The following MOXD1 variants were observed in gnomAD, a reference collection of about 807,000 sequenced individuals.
MOXD1 encodes the protein DBH-like monooxygenase protein 1.
Under a neutral mutation model 66.6 loss-of-function variants are expected in MOXD1, and 62 were observed. That is an observed-to-expected ratio of 0.93 (90% CI 0.76 to 1.15). The LOEUF (loss-of-function observed/expected upper bound fraction) is 1.15, where lower values mean the gene tolerates loss of function less well. Ranked by LOEUF, MOXD1 falls within the 50% of genes most tolerant of loss-of-function variation. The probability of loss-of-function intolerance (pLI) is 0.00; values close to 1 mark genes in which losing one functional copy is unlikely to be tolerated. For synonymous variants in MOXD1, 303 were observed against 281.9 expected (o/e 1.07, Z -0.75); for missense variants, 847 against 754.6 (o/e 1.12, Z -1.44).
chr6:132,375,349 C>T (rs1776356929), intron 1 of MOXD1, among the ~76,000 whole-genome samples: 1 of 152,162 alleles, frequency 6.6e-6, no homozygotes, highest in Admixed American at 6.5e-5. Context: ...AGTTGAATTA[C>T]ACGATATTGA....
chr6:132,332,773 C>T (rs1286958862), intron 4 of MOXD1, among the ~76,000 whole-genome samples: 1 of 152,184 alleles, frequency 6.6e-6, no homozygotes, highest in Non-Finnish European at 1.5e-5. Context: ...ATTTTCTGCT[C>T]CCACAACAAG....
intron 10 of MOXD1, among the ~76,000 whole-genome samples, chr6:132,308,083 G>A (rs1319591808): frequency 7.6e-6 from 1 of 131,478 alleles, no homozygotes. Flanking sequence ...CCAGGAAGTG[G>A]TTTTTTGAAA....
intron 1 of MOXD1, among the ~76,000 whole-genome samples, chr6:132,376,510 T>TC (rs1776382985): frequency 3.7e-5 from 2 of 53,914 alleles, no homozygotes; most frequent in Non-Finnish European, 5.3e-5. Context: ...TCTTTTTTTT[T>TC]TTTTTTTTTT....
In MOXD1 at chr6:132,322,882, A is replaced by G. The variant is rs556660462; in HGVS notation, c.1114-12T>C. 1 of 1,599,442 alleles carries G rather than the reference A, an allele frequency of 6.3e-7. No homozygotes were observed. The highest frequency in any genetic ancestry group is 1.3e-5 in the African/African-American group (1 of 74,216). ...TCGGCTTCCAGAGCCTACAGGAGAC[A>G]CCGAGGAAGACCCGATTAGCCCACA... On this transcript the variant is annotated splice_polypyrimidine_tract_variant and intron_variant, in intron 7 of 11. Coordinates refer to ENST00000367963, the MANE Select transcript of MOXD1 (RefSeq NM_015529.4).
intron 4 of MOXD1, among the ~76,000 whole-genome samples, chr6:132,349,605 T>C (rs1194176783): frequency 6.6e-6 from 1 of 151,482 alleles, no homozygotes; most frequent in African/African-American, 2.4e-5. Flanking sequence ...ATCTTTTTCA[T>C]ATAATGACTT....
At chr6:132,373,301 T>C (rs1200867390) in intron 2 of MOXD1, among the ~76,000 whole-genome samples, 1 of 152,192 alleles carries the variant, frequency 6.6e-6, no homozygotes, top group Non-Finnish European at 1.5e-5. Flanking sequence ...CAACAATAAA[T>C]CATTGTCACG....
intron 4 of MOXD1, among the ~76,000 whole-genome samples, chr6:132,331,159 C>T (rs1775309248): frequency 3.9e-5 from 6 of 152,314 alleles, no homozygotes; most frequent in African/African-American, 1.4e-4. Context: ...GTTTGAGCTT[C>T]TGTCTGAGAC....
Position 132,401,294 on chromosome 6 carries a change from C to T in MOXD1, c.133G>A (p.Gly45Ser), listed in dbSNP as rs755926570. 10 of 1,597,780 alleles carry T rather than the reference C, an allele frequency of 6.3e-6. No individual in the cohort carries two copies. The highest frequency in any genetic ancestry group is 8.5e-6 in the Non-Finnish European group (10 of 1,177,212). Reference sequence around the variant, plus strand: ...TGGAGGCGGAAGGCGATCTGGCTGCCCCGCTGGCTCCAGCCCAGCCAGTAC... The same window carrying T: ...TGGAGGCGGAAGGCGATCTGGCTGCTCCGCTGGCTCCAGCCCAGCCAGTAC... The part of the protein sequence containing the change: ...GKYWLGWSQR[G>S]SQIAFRLQVR... Residue 45 changes from glycine (G) to serine (S), a missense_variant, in exon 1 of 12, where the codon GGC becomes AGC. Coordinates refer to ENST00000367963, the MANE Select transcript of MOXD1 (RefSeq NM_015529.4).
intron 4 of MOXD1, among the ~76,000 whole-genome samples, chr6:132,343,990 C>G (rs942574170): frequency 6.6e-6 from 1 of 151,860 alleles, no homozygotes; most frequent in South Asian, 2.1e-4. Context: ...GAAGTTTTTT[C>G]TATATCTATT....
chr6:132,374,542 A>C (rs1157948357), intron 2 of MOXD1, 89 bp downstream of exon 2: 2 of 1,118,918 alleles, frequency 1.8e-6, no homozygotes, highest in African/African-American at 1.6e-5. Context: ...AAAAAAGACT[A>C]TATGACTTGT....
chr6:132,349,805 T>G (rs1775767404), intron 4 of MOXD1, among the ~76,000 whole-genome samples: 1 of 152,028 alleles, frequency 6.6e-6, no homozygotes, highest in Non-Finnish European at 1.5e-5. Context: ...ATTTTTTGAT[T>G]ATGGCCATTC....
chr6:132,325,689 C>T (rs1775171571), intron 6 of MOXD1, among the ~76,000 whole-genome samples: 2 of 152,160 alleles, frequency 1.3e-5, no homozygotes, highest in South Asian at 2.1e-4. Context: ...CATAAAGTTA[C>T]CTAATCTGTG....
intron 1 of MOXD1, among the ~76,000 whole-genome samples, chr6:132,395,650 C>A (rs574754078): frequency 6.6e-6 from 1 of 152,050 alleles, no homozygotes; most frequent in Non-Finnish European, 1.5e-5. Context: ...ACCTGTAAAG[C>A]CATATACTAA....
rs1774450693 is a variant in MOXD1, at chr6:132,298,044, C to T, written c.1509-89G>A. On this transcript the variant is annotated intron_variant, in intron 10 of 11. Transcript: ENST00000367963. The stretch of plus-strand genomic sequence containing the variant: ...TCAGCATCCTAAAATAGATCTCACA[C>T]TTATTCATTTTCATACACATAGATA... 6.0e-6 allele frequency: 7 copies of T among 1,157,128 alleles called. No homozygotes were observed. The East Asian group carries it at 1.6e-4, about 26-fold the overall frequency. 71.7% of individuals were successfully genotyped at this position (1,157,128 alleles called of 1,614,324 possible).
intron 10 of MOXD1, among the ~76,000 whole-genome samples, chr6:132,306,865 C>A (rs1326736892): frequency 6.6e-6 from 1 of 152,122 alleles, no homozygotes; most frequent in African/African-American, 2.4e-5. Flanking sequence ...GAAAGAAGCA[C>A]TAAATATGGA....
At chr6:132,383,476 T>C (rs1776551425) in intron 1 of MOXD1, among the ~76,000 whole-genome samples, 1 of 152,190 alleles carries the variant, frequency 6.6e-6, no homozygotes, top group Non-Finnish European at 1.5e-5. Flanking sequence ...ATGAACCCTG[T>C]AGCTAGTGTT....
intron 1 of MOXD1, among the ~76,000 whole-genome samples, chr6:132,399,599 A>G (rs1432179206): frequency 2.0e-5 from 3 of 152,208 alleles, no homozygotes; most frequent in Non-Finnish European, 4.4e-5. Flanking sequence ...CATTTGACAT[A>G]CAATTGGCTG....
chr6:132,372,936 T>C lies in MOXD1; in HGVS notation c.473A>G (p.Lys158Arg). 6.2e-7 allele frequency: 1 copy of C among 1,614,016 alleles called. No homozygotes were observed. The highest frequency in any genetic ancestry group is 8.5e-7 in the Non-Finnish European group (1 of 1,179,912). Reference sequence around the variant, plus strand: ...GGTGCCCCTATTGGAGTCATGGTACTTGGGACCAGCTTCTCCTGCATCTTC... The same window carrying C: ...GGTGCCCCTATTGGAGTCATGGTACCTGGGACCAGCTTCTCCTGCATCTTC... ...HHEDAGEAGP[K>R]YHDSNRGTKS... Residue 158 changes from lysine (K) to arginine (R), a missense_variant, in exon 3 of 12, where the codon AAG (lysine) becomes AGG (arginine). Lys to Arg is a conservative substitution (Grantham distance 26). Transcript: ENST00000367963.
At chr6:132,319,942 T>C (rs142312844) in intron 9 of MOXD1, among the ~76,000 whole-genome samples, 16 of 152,256 alleles carry the variant, frequency 1.1e-4, no homozygotes, top group East Asian at 1.9e-4. Context: ...CTAATTTAAA[T>C]CAATTTTATA....
Sources: gnomAD v4.1 joint callset for allele counts (sites outside exome capture counted in the v4.1 genomes callset) on GRCh38, gnomAD v4.1.1 for gene constraint, MANE v1.5 for transcripts, NCBI Gene and HGNC (gene_info 2026-07-23, HGNC 2026-07-21) for gene names.